ASTN2: variants seen among roughly 807,000 people sequenced by gnomAD.
ASTN2 encodes astrotactin-2.
In ASTN2, 54 loss-of-function variants were observed where a neutral mutation model predicts 139.8. That is an observed-to-expected ratio of 0.39 (90% CI 0.31 to 0.48). The LOEUF is 0.48. ASTN2 is among the 20% of genes least tolerant of loss of function. ASTN2 has a pLI of 0.95. For missense variants in ASTN2, 1,565 were observed against 1,725.1 expected (o/e 0.91, Z 1.64); for synonymous variants, 756 against 719.5 (o/e 1.05, Z -0.81).
At chr9:117,103,409 T>A (rs1325621781) in intron 4 of ASTN2, among the ~76,000 whole-genome samples, 1 of 152,184 alleles carries the variant, frequency 6.6e-6, no homozygotes, top group Admixed American at 6.5e-5. Context: ...GGTGGTAAAC[T>A]AGGAATTTGA....
At chr9:116,930,853 C>T (rs1834876994) in intron 10 of ASTN2, among the ~76,000 whole-genome samples, 1 of 152,142 alleles carries the variant, frequency 6.6e-6, no homozygotes, top group South Asian at 2.1e-4. Flanking sequence ...CCCGCCCCTC[C>T]ATTAGATTGC....
chr9:116,699,755 T>G lies in ASTN2; in HGVS notation c.2806+26016A>C. ...TGCTCCCAAGCCAACTTCCCTTCCC[T>G]TAGTTCTTGGTTGTTAGTGGCACAT... is the stretch of plus-strand genomic sequence containing the variant. On this transcript the variant is annotated intron_variant, in intron 16 of 22. Coordinates refer to ENST00000313400, the MANE Select transcript of ASTN2 (RefSeq NM_001365068.1). The surrounding 1 kb of genome is among the most constrained non-coding windows in gnomAD (Gnocchi z 4.2). 1 of 1,613,326 alleles carries G rather than the reference T, an allele frequency of 6.2e-7. No individual in the cohort carries two copies. Among genetic ancestry groups the G allele is most frequent in the East Asian group, 2.2e-5 (1 of 44,872 alleles).
At position 116,751,566 on chromosome 9, in the gene ASTN2, T is replaced by C. The variant is rs184813788; in HGVS notation, c.2397-18043A>G. Among the ~76,000 whole-genome samples the C allele has an allele frequency of 6.3e-3, 952 of 151,824 alleles. 63 individuals carry two copies. In the South Asian group the frequency reaches 0.16, roughly 26 times the overall value. ...TTATTATTGTTATTATTATTATTAT[T>C]AGAAATGTGATTTAGGGTTTAAAAA... On this transcript the variant is annotated intron_variant, in intron 13 of 22. Transcript: ENST00000313400.
intron 16 of ASTN2, among the ~76,000 whole-genome samples, chr9:116,680,201 G>A (rs11515492): frequency 0.16 from 24,592 of 151,946 alleles, 2,396 homozygotes; most frequent in Non-Finnish European, 0.23. Flanking sequence ...TATCACCACC[G>A]ATCCCACGGA....
intron 13 of ASTN2, among the ~76,000 whole-genome samples, chr9:116,783,056 G>C (rs1186402687): frequency 1.3e-5 from 2 of 152,164 alleles, no homozygotes; most frequent in Non-Finnish European, 2.9e-5. Context: ...TTGGACAACA[G>C]TCAAACTAGA....
intron 10 of ASTN2, among the ~76,000 whole-genome samples, chr9:116,967,916 C>T (rs112459620): frequency 3.3e-5 from 5 of 152,314 alleles, no homozygotes; most frequent in African/African-American, 1.2e-4. Flanking sequence ...CTTCTTTATA[C>T]CGCTCTGAAC....
At chr9:117,254,999 C>T (rs927411598) in intron 2 of ASTN2, among the ~76,000 whole-genome samples, 5 of 152,146 alleles carry the variant, frequency 3.3e-5, no homozygotes, top group Non-Finnish European at 5.9e-5. Flanking sequence ...TTAGTTGCAG[C>T]GAAGAACATC....
At chr9:116,530,133 ATATATATATATATATAT>A (rs1170536412) in intron 19 of ASTN2, among the ~76,000 whole-genome samples, 3 of 29,744 alleles carry the variant, frequency 1.0e-4, no homozygotes, top group Admixed American at 2.7e-4. Flanking sequence ...ATATATATAT[ATATATATATATATATAT>A]AAAATAGAAT....
intron 1 of ASTN2, among the ~76,000 whole-genome samples, chr9:117,311,329 C>T (rs568326332): frequency 4.6e-5 from 7 of 152,166 alleles, no homozygotes; most frequent in Admixed American, 2.6e-4. Flanking sequence ...AAATCATCTC[C>T]GGCAGACCCT....
intron 4 of ASTN2, among the ~76,000 whole-genome samples, chr9:117,096,504 A>G (rs1268746673): frequency 1.3e-5 from 2 of 152,224 alleles, no homozygotes; most frequent in Non-Finnish European, 2.9e-5. Context: ...AGTACATCCT[A>G]AACAACTGAT....
At chr9:116,798,554 A>G (rs1016132741) in intron 13 of ASTN2, among the ~76,000 whole-genome samples, 2 of 152,192 alleles carry the variant, frequency 1.3e-5, no homozygotes, top group Non-Finnish European at 2.9e-5. Context: ...GTGTCCCACA[A>G]ATATGTCTGT....
In ASTN2 at chr9:116,744,404, A is replaced by G. The variant is rs377353416; in HGVS notation, c.2397-10881T>C. The stretch of plus-strand genomic sequence containing the variant: ...CTGTAGGGTATTCAGCAGGAAAGCA[A>G]AACCATCAGATAGGAGCTTCAAAAA... On this transcript the variant is annotated intron_variant, in intron 13 of 22. Transcript: ENST00000313400. Among the ~76,000 whole-genome samples, 14 of 152,270 alleles carry G rather than the reference A, an allele frequency of 9.2e-5. No homozygotes were observed. In the East Asian group the frequency reaches 2.5e-3, roughly 27 times the overall value.
At chr9:116,515,929 C>A (rs1850629361) in intron 19 of ASTN2, among the ~76,000 whole-genome samples, 2 of 152,140 alleles carry the variant, frequency 1.3e-5, no homozygotes, top group Admixed American at 1.3e-4. Flanking sequence ...TGGGAACACA[C>A]CACTAGAGTT....
At chr9:117,206,147 G>A (rs4407970) in intron 3 of ASTN2, among the ~76,000 whole-genome samples, 25,495 of 152,160 alleles carry the variant, frequency 0.17, 2,360 homozygotes, top group South Asian at 0.28. Context: ...TGACCTGAGT[G>A]TCGTCGAAGG....
At chr9:116,874,870 T>C (rs1338022271) in intron 10 of ASTN2, among the ~76,000 whole-genome samples, 1 of 152,224 alleles carries the variant, frequency 6.6e-6, no homozygotes, top group African/African-American at 2.4e-5. Context: ...TTCATGTCTA[T>C]GCATCAGATT....
chr9:117,005,066 T>C (rs1302172955), intron 7 of ASTN2, among the ~76,000 whole-genome samples: 1 of 145,700 alleles, frequency 6.9e-6, no homozygotes, highest in Non-Finnish European at 1.5e-5. Flanking sequence ...ATTTGAGTTG[T>C]GGACCTGTAG....
intron 11 of ASTN2, among the ~76,000 whole-genome samples, chr9:116,846,361 CAATT>C (rs1338645835): frequency 8.6e-5 from 13 of 152,012 alleles, no homozygotes; most frequent in Non-Finnish European, 4.4e-5. Context: ...TATCTTATCA[CAATT>C]AAAACAATTT....
intron 3 of ASTN2, among the ~76,000 whole-genome samples, chr9:117,192,328 G>A (rs887720017): frequency 1.0e-4 from 15 of 150,680 alleles, no homozygotes; most frequent in Non-Finnish European, 1.8e-4. Flanking sequence ...ACAATTAATT[G>A]GAGCAAAAAA....
At chr9:117,277,876 C>T (rs1327448829) in intron 2 of ASTN2, among the ~76,000 whole-genome samples, 2 of 152,144 alleles carry the variant, frequency 1.3e-5, no homozygotes, top group Non-Finnish European at 2.9e-5. Context: ...GGTAAGTGCT[C>T]GGTATTATTT....
Sources: allele counts gnomAD v4.1 joint callset (sites outside exome capture counted in the v4.1 genomes callset), GRCh38; gene constraint gnomAD v4.1.1; non-coding constraint Gnocchi (gnomAD v3.1); transcripts MANE v1.5; gene names NCBI Gene and HGNC (gene_info 2026-07-23, HGNC 2026-07-21).